Variants in GPHN observed in about 807,000 individuals in gnomAD.
GPHN encodes gephyrin.
Under a neutral mutation model 95.5 loss-of-function variants are expected in GPHN, and 17 were observed. The ratio of observed to expected loss-of-function variants is 0.18; its 90% CI spans 0.12 to 0.27. The LOEUF (loss-of-function observed/expected upper bound fraction) is 0.27. Ranked by LOEUF, GPHN falls within the 10% of genes least tolerant of loss-of-function variation. GPHN has a pLI of 1.00. For missense variants in GPHN, 660 were observed against 978.1 expected, an observed-to-expected ratio of 0.67 and a Z score of 4.34; for synonymous variants, 320 against 322.5, an observed-to-expected ratio of 0.99 and a Z score of 0.08.
chr14:66,786,835 A>G (rs988065575), intron 3 of GPHN, among the ~76,000 whole-genome samples: 1 of 152,118 alleles, frequency 6.6e-6, no homozygotes, highest in Non-Finnish European at 1.5e-5. Flanking sequence ...CCCATTCATA[A>G]TAAGAACTCT....
intron 2 of GPHN, among the ~76,000 whole-genome samples, chr14:66,744,181 T>C (rs909573796): frequency 1.3e-5 from 2 of 152,230 alleles, no homozygotes; most frequent in African/African-American, 4.8e-5. Context: ...TAAAGTAAGT[T>C]ACTGCCTATT....
intron 9 of GPHN, among the ~76,000 whole-genome samples, chr14:67,007,967 A>G (rs2072716534): frequency 6.6e-6 from 1 of 152,176 alleles, no homozygotes; most frequent in Non-Finnish European, 1.5e-5. Flanking sequence ...CACTTGTTCT[A>G]ACTTTCCCAT....
At chr14:66,769,051 A>C (rs971415617) in intron 2 of GPHN, among the ~76,000 whole-genome samples, 1 of 152,032 alleles carries the variant, frequency 6.6e-6, no homozygotes, top group African/African-American at 2.4e-5. Flanking sequence ...TGAATTGTTG[A>C]AACTTTAATA....
At chr14:67,243,743 G>T in the GPHN span, among the ~76,000 whole-genome samples, 1 of 151,812 alleles carries the variant, frequency 6.6e-6, no homozygotes, top group Non-Finnish European at 1.5e-5. Flanking sequence ...TGATCCGCCC[G>T]CCTCGCCCTC....
At chr14:67,674,358 GC>G in the GPHN span, 6 of 1,572,324 alleles carry the variant, frequency 3.8e-6, no homozygotes, top group African/African-American at 6.9e-5. Flanking sequence ...CCACGGCGTG[GC>G]CCACCCCCGC....
rs568903595 is a variant in GPHN at position 66,626,060 on chromosome 14, T to C, written c.65-55047T>C. 3.1e-4 allele frequency among the ~76,000 whole-genome samples: 47 copies of C among 152,336 alleles called. 2 individuals carry two copies. The highest frequency in any genetic ancestry group is 1.1e-3 in the African/African-American group (46 of 41,582). ...TGAATGGTGTAAACTTGTCTGGCAGTGTTATTTTAGCCATGTGATGGAGAA... is the reference window on the plus strand; with the variant it reads ...TGAATGGTGTAAACTTGTCTGGCAGCGTTATTTTAGCCATGTGATGGAGAA... On this transcript the variant is annotated intron_variant, in intron 1 of 22. Coordinates refer to ENST00000478722, the MANE Select transcript of GPHN (RefSeq NM_020806.5).
chr14:66,894,192 C>T (rs1398444120), intron 5 of GPHN, among the ~76,000 whole-genome samples: 3 of 152,080 alleles, frequency 2.0e-5, no homozygotes, highest in African/African-American at 7.2e-5. Context: ...GAACACAGCC[C>T]TCAGAAATAA....
chr14:67,090,744 G>A (rs2077114390), intron 12 of GPHN, among the ~76,000 whole-genome samples: 3 of 151,974 alleles, frequency 2.0e-5, no homozygotes, highest in East Asian at 3.9e-4. Flanking sequence ...AATGATTAAG[G>A]CTACAGGCAT....
chr14:66,589,141 T>C (rs1048444434), intron 1 of GPHN, among the ~76,000 whole-genome samples: 2 of 152,144 alleles, frequency 1.3e-5, no homozygotes, highest in African/African-American at 4.8e-5. Context: ...TTAAGCTTCA[T>C]AAGCAAAGGA....
At chr14:67,569,497 G>A in the GPHN span, among the ~76,000 whole-genome samples, 1 of 148,716 alleles carries the variant, frequency 6.7e-6, no homozygotes, top group Admixed American at 7.3e-5. Context: ...CACAGGCTTC[G>A]CTTCTGCAGT....
intron 1 of GPHN, among the ~76,000 whole-genome samples, chr14:66,572,450 G>C (rs1030219993): frequency 3.3e-5 from 5 of 151,630 alleles, no homozygotes; most frequent in African/African-American, 7.3e-5. Flanking sequence ...TCAGTGTGCA[G>C]ATTTTTCAAT....
chr14:67,070,715 A>AAAAAAAAAATATATATATATATATAT, intron 11 of GPHN, among the ~76,000 whole-genome samples: 37 of 80,594 alleles, frequency 4.6e-4, no homozygotes, highest in Admixed American at 3.1e-3. Context: ...AAAAAAAAAA[A>AAAAAAAAAATATATATATATATATAT]ATATATATAT....
At chr14:66,546,059 C>T (rs1392992875) in intron 1 of GPHN, among the ~76,000 whole-genome samples, 8 of 149,162 alleles carry the variant, frequency 5.4e-5, no homozygotes, top group African/African-American at 1.5e-4. Context: ...GACGGGGTTG[C>T]GGCCGGGTAG....
intron 1 of GPHN, among the ~76,000 whole-genome samples, chr14:66,568,590 C>T (rs1045929364): frequency 6.6e-6 from 1 of 151,978 alleles, no homozygotes. Context: ...TAAGCAGGTG[C>T]CTTGATTCTA....
chr14:66,644,087 T>C (rs537651162), intron 1 of GPHN, among the ~76,000 whole-genome samples: 49 of 152,052 alleles, frequency 3.2e-4, no homozygotes, highest in Non-Finnish European at 6.5e-4. Context: ...TGTCTATTCA[T>C]TGGAGTTTAC....
chr14:67,663,315 T>G, the GPHN span: 2,338 of 633,910 alleles, frequency 3.7e-3, 32 homozygotes, highest in Middle Eastern at 0.019. Flanking sequence ...ATAGCAAGTT[T>G]CATTTTTAAA....
the GPHN span, among the ~76,000 whole-genome samples, chr14:67,347,928 T>G: frequency 6.8e-6 from 1 of 146,900 alleles, no homozygotes; most frequent in South Asian, 2.2e-4. Context: ...TTTTTTTTTT[T>G]TGAGACAGAG....
At chr14:67,128,755 T>C (rs2079498011) in intron 17 of GPHN, among the ~76,000 whole-genome samples, 2 of 151,246 alleles carry the variant, frequency 1.3e-5, no homozygotes, top group South Asian at 4.2e-4. Context: ...GCCAGTATGG[T>C]GAAACGCTGT....
intron 3 of GPHN, among the ~76,000 whole-genome samples, chr14:66,782,422 A>T (rs2059637017): frequency 6.6e-6 from 1 of 152,168 alleles, no homozygotes; most frequent in Non-Finnish European, 1.5e-5. Flanking sequence ...CATGTTTCAA[A>T]AGTATTCCTG....
Sources: allele counts gnomAD v4.1 joint callset (sites outside exome capture counted in the v4.1 genomes callset), GRCh38; gene constraint gnomAD v4.1.1; transcripts MANE v1.5; gene names NCBI Gene and HGNC (gene_info 2026-07-23, HGNC 2026-07-21).